Variants in STEAP1B observed in about 807,000 individuals in gnomAD.
STEAP1B encodes the protein STEAP family protein MGC87042.
Under a neutral mutation model 27.9 loss-of-function variants are expected in STEAP1B, and 13 were observed. The ratio of observed to expected loss-of-function variants is 0.47; its 90% CI spans 0.30 to 0.74. The LOEUF (loss-of-function observed/expected upper bound fraction) is 0.74, where lower values mean the gene tolerates loss of function less well. Among genes scored for constraint, STEAP1B ranks in the 30% least tolerant of loss-of-function variants. STEAP1B has a pLI of 0.06. For missense variants in STEAP1B, 250 were observed against 298.7 expected (o/e 0.84, Z 1.20); for synonymous variants, 86 against 107.1 (o/e 0.80, Z 1.22).
chr7:22,433,136 AC>A (rs1398555781), intron 4 of STEAP1B, among the ~76,000 whole-genome samples: 1 of 120,130 alleles, frequency 8.3e-6, no homozygotes. Flanking sequence ...GAGTTATTTC[AC>A]CAAAAAAAAA....
chr7:22,472,010 A>C (rs906689801), intron 4 of STEAP1B, among the ~76,000 whole-genome samples: 2 of 152,214 alleles, frequency 1.3e-5, no homozygotes, highest in African/African-American at 4.8e-5. Flanking sequence ...CACCAAAAAA[A>C]GGAAAATCAT....
intron 4 of STEAP1B, among the ~76,000 whole-genome samples, chr7:22,450,492 T>C (rs886229534): frequency 3.9e-5 from 6 of 152,222 alleles, no homozygotes; most frequent in African/African-American, 1.4e-4. Context: ...TGTAGGTGTC[T>C]GAATTTGTTT....
intron 1 of STEAP1B, among the ~76,000 whole-genome samples, chr7:22,496,709 T>C (rs10950907): frequency 0.31 from 46,741 of 152,052 alleles, 7,292 homozygotes; most frequent in Middle Eastern, 0.46. Flanking sequence ...AGCCTAAGTA[T>C]GTAGGAGGCT....
chr7:22,472,452 A>G (rs963238968), intron 4 of STEAP1B, among the ~76,000 whole-genome samples: 20 of 151,920 alleles, frequency 1.3e-4, no homozygotes, highest in African/African-American at 4.8e-4. Context: ...GGTCAGTGCT[A>G]CTCAAAAATG....
chr7:22,450,276 C>A (rs1011642508), intron 4 of STEAP1B, among the ~76,000 whole-genome samples: 1 of 152,084 alleles, frequency 6.6e-6, no homozygotes, highest in African/African-American at 2.4e-5. Flanking sequence ...AGAGTTTCTT[C>A]AATGTTTCTT....
intron 1 of STEAP1B, among the ~76,000 whole-genome samples, chr7:22,497,928 T>G (rs1226966273): frequency 6.6e-6 from 1 of 152,080 alleles, no homozygotes; most frequent in East Asian, 1.9e-4. Flanking sequence ...TGGAAGACAA[T>G]TTTTCCAAGT....
At chr7:22,451,122 AGG>A (rs1228775574) in intron 4 of STEAP1B, among the ~76,000 whole-genome samples, 2 of 152,052 alleles carry the variant, frequency 1.3e-5, no homozygotes, top group Non-Finnish European at 2.9e-5. Flanking sequence ...GTTTAAACCC[AGG>A]AGGCAGAGAT....
chr7:22,496,292 T>C (rs1288159494), intron 1 of STEAP1B, among the ~76,000 whole-genome samples: 1 of 152,214 alleles, frequency 6.6e-6, no homozygotes, highest in East Asian at 1.9e-4. Context: ...CTAAGTGTTA[T>C]TACAAAAGAG....
At chr7:22,455,164 T>C (rs985629574) in intron 4 of STEAP1B, among the ~76,000 whole-genome samples, 2 of 151,902 alleles carry the variant, frequency 1.3e-5, no homozygotes, top group Non-Finnish European at 2.9e-5. Context: ...TGCCCAGCCT[T>C]AAAAATATTT....
chr7:22,492,082 G>A (rs982177560), intron 4 of STEAP1B, among the ~76,000 whole-genome samples: 2 of 151,882 alleles, frequency 1.3e-5, no homozygotes, highest in African/African-American at 2.4e-5. Flanking sequence ...AGCACTTTGG[G>A]AGGCCGAGGC....
chr7:22,424,606 C>A (rs1419872751), intron 4 of STEAP1B, among the ~76,000 whole-genome samples: 1 of 152,022 alleles, frequency 6.6e-6, no homozygotes, highest in Admixed American at 6.6e-5. Context: ...GTCCCAGATA[C>A]CTGAAAAATA....
Position 22,428,785 on chromosome 7 carries a change from C to T in STEAP1B, c.763-8949G>A, listed in dbSNP as rs374862251. Among the ~76,000 whole-genome samples the T allele has an allele frequency of 4.6e-5, 7 of 151,638 alleles. No homozygotes were observed. In the East Asian group the frequency reaches 5.8e-4, roughly 13 times the overall value. The stretch of plus-strand genomic sequence containing the variant: ...CCAGCCTGGTGACAGAGCGAGAGTC[C>T]GTCTCAAAAAATATATATGAAAAAT... On this transcript the variant is annotated intron_variant, in intron 4 of 4. Transcript: ENST00000678116.
At chr7:22,483,847 T>A (rs1562583279) in intron 4 of STEAP1B, among the ~76,000 whole-genome samples, 1 of 152,238 alleles carries the variant, frequency 6.6e-6, no homozygotes. Context: ...TTAAGTTCAC[T>A]GTCTCATACA....
chr7:22,460,048 AC>A (rs1276999641), intron 4 of STEAP1B, among the ~76,000 whole-genome samples: 1 of 152,060 alleles, frequency 6.6e-6, no homozygotes, highest in Admixed American at 6.6e-5. Flanking sequence ...GGTGTCGCAC[AC>A]CTATAATCCT....
chr7:22,485,609 C>T (rs888220243), intron 4 of STEAP1B, among the ~76,000 whole-genome samples: 1 of 152,134 alleles, frequency 6.6e-6, no homozygotes, highest in Non-Finnish European at 1.5e-5. Flanking sequence ...TCACCTTGGC[C>T]TCCCAAATAG....
intron 4 of STEAP1B, among the ~76,000 whole-genome samples, chr7:22,476,585 T>C (rs933452359): frequency 6.6e-6 from 1 of 152,230 alleles, no homozygotes; most frequent in Admixed American, 6.5e-5. Flanking sequence ...AGGGTTCAGA[T>C]GTTCCTCAAA....
intron 4 of STEAP1B, among the ~76,000 whole-genome samples, chr7:22,485,830 A>G (rs1786198561): frequency 1.3e-5 from 2 of 152,184 alleles, no homozygotes; most frequent in South Asian, 4.1e-4. Context: ...GTTAAAATAG[A>G]TTGCTGAGCC....
chr7:22,473,295 CCTGT>C (rs930327999), intron 4 of STEAP1B, among the ~76,000 whole-genome samples: 2 of 152,098 alleles, frequency 1.3e-5, no homozygotes, highest in Admixed American at 1.3e-4. Context: ...TCCTCTAGCT[CCTGT>C]CTATCTCTCA....
At chr7:22,456,280 G>C (rs1785577658) in intron 4 of STEAP1B, among the ~76,000 whole-genome samples, 1 of 152,204 alleles carries the variant, frequency 6.6e-6, no homozygotes, top group South Asian at 2.1e-4. Context: ...GTTTCTGTTA[G>C]AATCAGATTG....
Sources: gnomAD v4.1 joint callset for allele counts (sites outside exome capture counted in the v4.1 genomes callset) on GRCh38, gnomAD v4.1.1 for gene constraint, MANE v1.5 for transcripts, NCBI Gene and HGNC (gene_info 2026-07-23, HGNC 2026-07-21) for gene names.